The following ARSG variants were observed in gnomAD, a reference collection of about 807,000 sequenced individuals.
ARSG encodes the protein arylsulfatase G.
Under a neutral mutation model 50.5 loss-of-function variants are expected in ARSG, and 37 were observed. The observed-to-expected ratio is 0.73, with a 90% confidence interval of 0.56 to 0.96. The LOEUF (loss-of-function observed/expected upper bound fraction) is 0.96. ARSG is among the 50% of genes least tolerant of loss of function. ARSG has a pLI of 0.00. For missense variants in ARSG, 629 were observed against 675.3 expected (o/e 0.93, Z 0.76); for synonymous variants, 225 against 254.6 (o/e 0.88, Z 1.11).
chr17:68,443,192 C>G, the ARSG span, among the ~76,000 whole-genome samples: 2 of 152,118 alleles, frequency 1.3e-5, no homozygotes, highest in African/African-American at 2.4e-5. Flanking sequence ...CTCACTGAAG[C>G]CTCCGCCTCC....
At chr17:68,272,972 A>G (rs2075389383) in intron 1 of ARSG, among the ~76,000 whole-genome samples, 1 of 152,038 alleles carries the variant, frequency 6.6e-6, no homozygotes, top group Admixed American at 6.6e-5. Context: ...TGTTTGGGAT[A>G]CTAAAAATAT....
At chr17:68,428,787 C>T in the ARSG span, 1 of 1,493,302 alleles carries the variant, frequency 6.7e-7, no homozygotes, top group Non-Finnish European at 9.3e-7. Context: ...CTCTACACGA[C>T]CAGCTCTCGA....
chr17:68,327,184 G>C (rs1568471959), intron 2 of ARSG, among the ~76,000 whole-genome samples: 1 of 151,932 alleles, frequency 6.6e-6, no homozygotes, highest in Non-Finnish European at 1.5e-5. Context: ...TTGAGCTGGA[G>C]AGTTGAGTGG....
intron 6 of ARSG, among the ~76,000 whole-genome samples, chr17:68,365,913 C>T (rs1311655019): frequency 6.6e-6 from 1 of 152,088 alleles, no homozygotes; most frequent in African/African-American, 2.4e-5. Flanking sequence ...GAATGTACTA[C>T]TTTCAAAAAA....
intron 8 of ARSG, chr17:68,379,993 C>T (rs888282314): frequency 1.9e-5 from 8 of 430,606 alleles, no homozygotes; most frequent in African/African-American, 1.7e-4. Flanking sequence ...CTGCATGGGT[C>T]CACGTAATAC....
In ARSG at chr17:68,271,634, G is replaced by C. The variant is rs368721903; in HGVS notation, c.-552+12208G>C. 8.1e-6 allele frequency: 13 copies of C among 1,613,054 alleles called. 1 individual carries two copies. In the South Asian group the frequency reaches 1.1e-4, roughly 14 times the overall value. ...AGGAGGCTGTATCTCCAGCCAATGCGCTCCTTCAGAGCCATGATTGCTTGA... is the reference window on the plus strand; with the variant it reads ...AGGAGGCTGTATCTCCAGCCAATGCCCTCCTTCAGAGCCATGATTGCTTGA... On this transcript the variant is annotated intron_variant, in intron 1 of 11. Transcript: ENST00000448504. The surrounding 1 kb of genome is among the most constrained non-coding windows in gnomAD (Gnocchi z 5.3).
At chr17:68,385,320 G>T (rs951456758) in intron 9 of ARSG, 148 bp downstream of exon 9, 1 of 649,706 alleles carries the variant, frequency 1.5e-6, no homozygotes, top group Non-Finnish European at 2.7e-6. Context: ...TGCCTTTGCC[G>T]GGTGTTCCCA....
In ARSG at chr17:68,319,035, A is replaced by G. The variant is rs190611048; in HGVS notation, c.218+11324A>G. Among the ~76,000 whole-genome samples the G allele has an allele frequency of 3.2e-4, 49 of 152,330 alleles. 1 individual carries two copies. The East Asian group carries it at 8.7e-3, about 27-fold the overall frequency. ...GGCAGTAACCTAATGGAAGATGCGA[A>G]CCAGGTTGGCAGTCACACTGCAGGG... On this transcript the variant is annotated intron_variant, in intron 2 of 11. Transcript: ENST00000621439.
In ARSG at chr17:68,317,037, C is replaced by T. The variant is rs559762130; in HGVS notation, c.218+9326C>T. On this transcript the variant is annotated intron_variant, in intron 2 of 11. Transcript: ENST00000621439. ...TAGTTTGTGGCCAGCGCACACGATT[C>T]GTTTTTTGTTTGTTTTTAACCTGGT... is the stretch of plus-strand genomic sequence containing the variant. Among the ~76,000 whole-genome samples the T allele has an allele frequency of 1.3e-4, 20 of 152,138 alleles. 1 individual carries two copies. The South Asian group carries it at 2.3e-3, about 17-fold the overall frequency.
chr17:68,436,460 G>T, the ARSG span: 2 of 1,613,960 alleles, frequency 1.2e-6, no homozygotes, highest in Non-Finnish European at 8.5e-7. Flanking sequence ...TGGAATGGTT[G>T]ATAGAGAGAG....
chr17:68,319,958 T>C (rs569595676), intron 2 of ARSG, among the ~76,000 whole-genome samples: 1 of 152,328 alleles, frequency 6.6e-6, no homozygotes, highest in African/African-American at 2.4e-5. Context: ...TCTCACCTTT[T>C]AGGTGATAAA....
At chr17:68,325,541 C>T (rs1555772100) in intron 2 of ARSG, among the ~76,000 whole-genome samples, 2 of 152,118 alleles carry the variant, frequency 1.3e-5, no homozygotes, top group African/African-American at 4.8e-5. Context: ...GTCCCTGGTA[C>T]CAGGAAGGTG....
intron 1 of ARSG, among the ~76,000 whole-genome samples, chr17:68,298,028 G>A (rs1352425625): frequency 1.3e-5 from 2 of 148,868 alleles, no homozygotes; most frequent in Non-Finnish European, 3.0e-5. Flanking sequence ...CATTTTTCAG[G>A]TAAGGGAGGA....
chr17:68,401,221 C>A, intron 10 of ARSG, 139 bp from the exon 11 acceptor site: 1 of 707,678 alleles, frequency 1.4e-6, no homozygotes, highest in Non-Finnish European at 2.5e-6. Flanking sequence ...AGGGGTCTTG[C>A]TGTGTTGCCC....
At chr17:68,357,665 G>A (rs915812041) in intron 6 of ARSG, among the ~76,000 whole-genome samples, 1 of 152,162 alleles carries the variant, frequency 6.6e-6, no homozygotes, top group Non-Finnish European at 1.5e-5. Context: ...GCATCTAGAA[G>A]GCACAGATAG....
intron 1 of ARSG, among the ~76,000 whole-genome samples, chr17:68,303,129 A>G (rs545217418): frequency 6.6e-6 from 1 of 151,940 alleles, no homozygotes; most frequent in East Asian, 1.9e-4. Context: ...GTATGTTTGG[A>G]GGTATTGTTT....
intron 1 of ARSG, among the ~76,000 whole-genome samples, chr17:68,294,367 T>G (rs1310689179): frequency 1.3e-5 from 2 of 152,198 alleles, no homozygotes; most frequent in East Asian, 3.8e-4. Flanking sequence ...CTGTCCACGT[T>G]TATAGTCCTT....
At chr17:68,372,269 CATCTATCT>C (rs918775706) in intron 8 of ARSG, among the ~76,000 whole-genome samples, 2 of 151,844 alleles carry the variant, frequency 1.3e-5, no homozygotes, top group Non-Finnish European at 2.9e-5. Context: ...ATCTAACTGT[CATCTATCT>C]ATCTATCTAT....
rs1209156908 is a variant in ARSG, at chr17:68,291,559, G to T, written c.-561G>T. 1 of 150,722 alleles carries T rather than the reference G, an allele frequency of 6.6e-6. No individual in the cohort carries two copies. Among genetic ancestry groups the T allele is most frequent in the Non-Finnish European group, 1.5e-5 (1 of 67,570 alleles). 9.3% of individuals were successfully genotyped at this position (150,722 alleles called of 1,614,324 possible). ...CGCCAGCCTGCCGCCTGGGCTGGGG[G>T]TCACGAAAGGTAACCGCGTCGCGGT... On this transcript the variant is annotated 5_prime_UTR_variant, in exon 1 of 12. Coordinates refer to ENST00000621439, the MANE Select transcript of ARSG (RefSeq NM_001267727.2).
Sources: allele counts gnomAD v4.1 joint callset (sites outside exome capture counted in the v4.1 genomes callset), GRCh38; gene constraint gnomAD v4.1.1; non-coding constraint Gnocchi (gnomAD v3.1); transcripts MANE v1.5; gene names NCBI Gene and HGNC (gene_info 2026-07-23, HGNC 2026-07-21).